Variants in SEMA4A observed in about 807,000 individuals in gnomAD.
SEMA4A encodes semaphorin 4A, also known as semaphorin-4A.
Under a neutral mutation model 72.5 loss-of-function variants are expected in SEMA4A, and 52 were observed. The observed-to-expected ratio is 0.72, with a 90% CI of 0.57 to 0.90. The LOEUF (loss-of-function observed/expected upper bound fraction) is 0.90, where lower values mean the gene tolerates loss of function less well. Among genes scored for constraint, SEMA4A ranks in the 40% least tolerant of loss-of-function variants. SEMA4A has a pLI of 0.00. For missense variants in SEMA4A, 926 were observed against 959.7 expected (o/e 0.96, Z 0.46); for synonymous variants, 369 against 393.1 (o/e 0.94, Z 0.73).
upstream of SEMA4A, among the ~76,000 whole-genome samples, chr1:156,147,660 C>T (rs1430333597): frequency 6.6e-6 from 1 of 152,082 alleles, no homozygotes; most frequent in Non-Finnish European, 1.5e-5. Flanking sequence ...ACTCCCCCAT[C>T]TCATTTCCCC....
In SEMA4A at chr1:156,176,832, G is replaced by A; in HGVS notation, c.2121G>A (p.Leu707=). 6.2e-7 allele frequency: 1 copy of A among 1,614,226 alleles called. No individual in the cohort carries two copies. The highest frequency in any genetic ancestry group is 8.5e-7 in the Non-Finnish European group (1 of 1,180,020). ...TCATCATCCTCGTGGCCTCCCCATT[G>A]AGAGCACTCCGGGCTCGGGGCAAGG... The part of the protein sequence containing the change: ...GALIILVASP[L]RALRARGKVQ... Residue 707 remains leucine (L), a synonymous_variant, in exon 15 of 15, where the codon TTG becomes TTA. Coordinates refer to ENST00000368285, the MANE Select transcript of SEMA4A (RefSeq NM_022367.4).
chr1:156,163,226 T>A, intron 10 of SEMA4A, 132 bp downstream of exon 10: 1 of 990,860 alleles, frequency 1.0e-6, no homozygotes, highest in Non-Finnish European at 1.5e-6. Context: ...TGCTCAGACG[T>A]ACACCTGGTA....
chr1:156,160,744 T>G (rs1653513052), intron 7 of SEMA4A, among the ~76,000 whole-genome samples, 161 bp from the exon 8 acceptor site: 1 of 152,086 alleles, frequency 6.6e-6, no homozygotes, highest in African/African-American at 2.4e-5. Flanking sequence ...ATTAAAGAAG[T>G]ACCAGTCATC....
intron 11 of SEMA4A, 63 bp from the exon 12 acceptor site, chr1:156,174,759 G>A (rs1225766211): frequency 1.4e-5 from 22 of 1,611,408 alleles, no homozygotes; most frequent in African/African-American, 4.0e-5. Context: ...GGAGGCCCCC[G>A]GAAGTTGGGA....
intron 14 of SEMA4A, 62 bp from the exon 15 acceptor site, chr1:156,176,343 T>G (rs1048349753): frequency 8.2e-7 from 1 of 1,226,616 alleles, no homozygotes; most frequent in Non-Finnish European, 1.2e-6. Context: ...GGTTAGAGAC[T>G]CTCTCCTGTC....
chr1:156,158,824 GGTGA>G lies in SEMA4A; in HGVS notation c.568+3_568+6del, dbSNP rs773893081. ...TCACAAGCATACGGCTGTCTTGGTG[GGTGA>G]GTATCAGGTTTCCCACTTCATCCCA... On this transcript the variant is annotated splice_donor_variant and splice_donor_region_variant and intron_variant, in intron 6 of 14. Transcript: ENST00000368285. LOFTEE classifies it high-confidence loss of function. 5.6e-6 allele frequency: 9 copies of G among 1,611,662 alleles called. No individual in the cohort carries two copies. Among genetic ancestry groups the G allele is most frequent in the Non-Finnish European group, 7.6e-6 (9 of 1,177,910 alleles).
upstream of SEMA4A, among the ~76,000 whole-genome samples, chr1:156,147,997 C>T (rs1224875525): frequency 6.6e-6 from 1 of 152,222 alleles, no homozygotes; most frequent in Admixed American, 6.5e-5. Context: ...AGTTTTGATT[C>T]TCATATGGCA....
At chr1:156,160,634 G>A (rs1248979299) in intron 7 of SEMA4A, 75 bp downstream of exon 7, 4 of 1,336,026 alleles carry the variant, frequency 3.0e-6, no homozygotes, top group Non-Finnish European at 3.2e-6. Flanking sequence ...TTTCATTTGC[G>A]GAAGGTACAA....
In SEMA4A at chr1:156,156,589, G is replaced by A. The variant is rs764500462; in HGVS notation, c.300+15G>A. 2 of 1,613,434 alleles carry A rather than the reference G, an allele frequency of 1.2e-6. No homozygotes were observed. Among genetic ancestry groups the A allele is most frequent in the African/African-American group, 1.3e-5 (1 of 74,878 alleles). On this transcript the variant is annotated intron_variant, in intron 3 of 14. Coordinates refer to ENST00000368285, the MANE Select transcript of SEMA4A (RefSeq NM_022367.4). ...TAAAGAACATGGTGAGGAGTCCAGG[G>A]ATAAAGAGTGTGGGCTGGGAGTGAA...
intron 11 of SEMA4A, among the ~76,000 whole-genome samples, 169 bp from the exon 12 acceptor site, chr1:156,174,653 A>G (rs1306214771): frequency 6.6e-6 from 1 of 152,200 alleles, no homozygotes; most frequent in African/African-American, 2.4e-5. Context: ...GTCATTTACA[A>G]GAGACTGCCA....
chr1:156,160,917 T>C lies in SEMA4A; in HGVS notation c.698T>C (p.Phe233Ser), dbSNP rs1653538949. The C allele has an allele frequency of 6.2e-7, 1 of 1,612,746 alleles. No homozygotes were observed. Among genetic ancestry groups the C allele is most frequent in the Non-Finnish European group, 8.5e-7 (1 of 1,179,372 alleles). ...CCCTCCCCCGCAGATGACGCCTCCT[T>C]TGTGGCAGCCATCCCTTCGACCCAG... ...FLRWLHHDAS[F>S]VAAIPSTQVV... The change falls in exon 8 of 15, where the codon TTT becomes TCT. Residue 233 changes from phenylalanine (F) to serine (S), a missense_variant. Transcript: ENST00000368285.
intron 2 of SEMA4A, 59 bp downstream of exon 2, chr1:156,154,776 G>A (rs957948430): frequency 1.0e-5 from 16 of 1,548,434 alleles, no homozygotes; most frequent in African/African-American, 1.4e-5. Context: ...GGTGGGTGGA[G>A]GAAGGAGAGA....
chr1:156,175,061 C>T (rs1209130877), intron 12 of SEMA4A, 25 bp from the exon 13 acceptor site: 10 of 1,614,162 alleles, frequency 6.2e-6, no homozygotes, highest in Non-Finnish European at 8.5e-6. Flanking sequence ...CTGGGGCTCC[C>T]TGACAATCTC....
intron 10 of SEMA4A, among the ~76,000 whole-genome samples, chr1:156,171,607 C>T (rs896629119): frequency 6.6e-5 from 10 of 152,154 alleles, no homozygotes; most frequent in Admixed American, 2.0e-4. Context: ...GACACAGTTT[C>T]ACTCTGTTGC....
At chr1:156,176,060 T>A (rs529033097) in intron 14 of SEMA4A, among the ~76,000 whole-genome samples, 1 of 152,180 alleles carries the variant, frequency 6.6e-6, no homozygotes, top group African/African-American at 2.4e-5. Flanking sequence ...GGGACTCCCT[T>A]CTACCATTGT....
At chr1:156,161,270 C>T in intron 8 of SEMA4A, 76 bp from the exon 9 acceptor site, 2 of 651,996 alleles carry the variant, frequency 3.1e-6, no homozygotes, top group Non-Finnish European at 4.1e-6. Context: ...CGCCGAGCTG[C>T]GGGGGGCGGG....
At chr1:156,161,310 G>GGGGGGGGGGGGGGGGGGCCCCC in intron 8 of SEMA4A, 36 bp from the exon 9 acceptor site, 2 of 1,381,206 alleles carry the variant, frequency 1.4e-6, no homozygotes, top group Non-Finnish European at 1.9e-6. Context: ...GGGTCGGGGC[G>GGGGGGGGGGGGGGGGGGCCCCC]CCCGGGGCGC....
At chr1:156,158,522 G>C (rs1653262983) in intron 5 of SEMA4A, 36 bp downstream of exon 5, 1 of 1,530,752 alleles carries the variant, frequency 6.5e-7, no homozygotes, top group African/African-American at 1.4e-5. Context: ...AGGCCCCCAA[G>C]CATCCCTTCT....
rs771327809 is a variant in SEMA4A, at chr1:156,156,552, G to C, written c.278G>C (p.Gly93Ala). ...AILALDIQDP[G>A]VPRLKNMIPW... ...CTGGCCTTGGATATCCAGGATCCAG[G>C]GGTCCCCAGGCTAAAGAACATGGTG... is the stretch of plus-strand genomic sequence containing the variant. The change falls in exon 3 of 15, where the codon GGG (glycine) becomes GCG (alanine). Residue 93 changes from glycine to alanine, a missense_variant. Transcript: ENST00000368285. 1.4e-5 allele frequency: 22 copies of C among 1,613,934 alleles called. No homozygotes were observed. The highest frequency in any genetic ancestry group is 1.9e-5 in the Non-Finnish European group (22 of 1,179,966).
Sources: gnomAD v4.1 joint callset for allele counts (sites outside exome capture counted in the v4.1 genomes callset) on GRCh38, gnomAD v4.1.1 for gene constraint, MANE v1.5 for transcripts, NCBI Gene and HGNC (gene_info 2026-07-23, HGNC 2026-07-21) for gene names.